ABTB3: variants seen among roughly 807,000 people sequenced by gnomAD.
ABTB3 encodes the protein ankyrin repeat and BTB domain containing 3.
the ABTB3 span, among the ~76,000 whole-genome samples, chr12:107,471,598 T>G: frequency 5.3e-5 from 8 of 152,214 alleles, no homozygotes; most frequent in African/African-American, 1.7e-4. Flanking sequence ...TTGAGGTTGG[T>G]GTGAGCTTTG....
the ABTB3 span, among the ~76,000 whole-genome samples, chr12:107,511,746 A>G: frequency 6.6e-6 from 1 of 152,172 alleles, no homozygotes; most frequent in African/African-American, 2.4e-5. Context: ...ATCATCTTGC[A>G]TGCATATAGA....
the ABTB3 span, among the ~76,000 whole-genome samples, chr12:107,643,261 G>A: frequency 4.7e-4 from 71 of 151,944 alleles, no homozygotes; most frequent in African/African-American, 1.6e-3. Flanking sequence ...AAAATTAGCC[G>A]GGCGTGGTCA....
the ABTB3 span, among the ~76,000 whole-genome samples, chr12:107,357,760 T>C: frequency 1.3e-5 from 2 of 152,236 alleles, no homozygotes; most frequent in African/African-American, 4.8e-5. Context: ...GTGGGCTGCA[T>C]AGCACCCAAC....
chr12:107,405,805 C>T, the ABTB3 span, among the ~76,000 whole-genome samples: 9 of 152,336 alleles, frequency 5.9e-5, no homozygotes, highest in African/African-American at 1.9e-4. Context: ...TAGGGCCCAT[C>T]GTCTGCATGA....
chr12:107,425,972 T>C, the ABTB3 span, among the ~76,000 whole-genome samples: 96 of 152,332 alleles, frequency 6.3e-4, 1 homozygote, highest in African/African-American at 2.3e-3. Context: ...TCTGCAGATC[T>C]GGATCTGTTC....
the ABTB3 span, chr12:107,620,075 G>A: frequency 6.2e-7 from 1 of 1,614,196 alleles, no homozygotes; most frequent in Non-Finnish European, 8.5e-7. Context: ...CTTGTTAAAG[G>A]AGTTTAAGAC....
At chr12:107,318,600 A>C in the ABTB3 span, 4 of 197,616 alleles carry the variant, frequency 2.0e-5, no homozygotes, top group Non-Finnish European at 3.1e-5. Context: ...CCCGGTGGCT[A>C]CTGCGCCCAG....
the ABTB3 span, among the ~76,000 whole-genome samples, chr12:107,398,439 G>A: frequency 2.0e-5 from 3 of 152,240 alleles, no homozygotes; most frequent in Non-Finnish European, 4.4e-5. Flanking sequence ...GGCAGGCCAG[G>A]TGTCTTCCAG....
the ABTB3 span, among the ~76,000 whole-genome samples, chr12:107,522,612 A>G: frequency 6.6e-6 from 1 of 151,950 alleles, no homozygotes; most frequent in Non-Finnish European, 1.5e-5. Flanking sequence ...TATAGTAGAA[A>G]CATTTTATTT....
chr12:107,591,954 G>A, the ABTB3 span, among the ~76,000 whole-genome samples: 6 of 152,190 alleles, frequency 3.9e-5, no homozygotes, highest in South Asian at 6.2e-4. Flanking sequence ...CAAAGCCTAC[G>A]TTCTCTCTAC....
the ABTB3 span, among the ~76,000 whole-genome samples, chr12:107,399,774 C>A: frequency 1.3e-5 from 2 of 152,212 alleles, no homozygotes; most frequent in African/African-American, 4.8e-5. Flanking sequence ...CACCTATCAA[C>A]CTGTCATCTA....
the ABTB3 span, among the ~76,000 whole-genome samples, chr12:107,450,519 G>A: frequency 3.3e-5 from 5 of 152,096 alleles, no homozygotes; most frequent in East Asian, 7.7e-4. Flanking sequence ...AGAGAAATTC[G>A]ATTGAGGGAA....
chr12:107,588,418 T>G, the ABTB3 span, among the ~76,000 whole-genome samples: 1 of 152,126 alleles, frequency 6.6e-6, no homozygotes. Flanking sequence ...GACTCTGAAG[T>G]TTCTAGCATG....
chr12:107,472,595 G>A, the ABTB3 span, among the ~76,000 whole-genome samples: 1 of 152,216 alleles, frequency 6.6e-6, no homozygotes, highest in Non-Finnish European at 1.5e-5. Context: ...GCTCTGATGA[G>A]TAAATGAAAT....
the ABTB3 span, chr12:107,319,190 G>T: frequency 2.5e-6 from 4 of 1,595,596 alleles, no homozygotes; most frequent in Non-Finnish European, 3.4e-6. Flanking sequence ...GGACTGCGCC[G>T]GCCAGCACTG....
At chr12:107,485,796 A>G in the ABTB3 span, among the ~76,000 whole-genome samples, 20 of 152,350 alleles carry the variant, frequency 1.3e-4, no homozygotes, top group Non-Finnish European at 2.4e-4. Flanking sequence ...GAAAGAAAAT[A>G]ATGTCTTAGG....
At chr12:107,450,168 CT>C in the ABTB3 span, among the ~76,000 whole-genome samples, 1 of 151,928 alleles carries the variant, frequency 6.6e-6, no homozygotes, top group Non-Finnish European at 1.5e-5. Flanking sequence ...TTGTCTTGTT[CT>C]TTCTTATGAC....
the ABTB3 span, among the ~76,000 whole-genome samples, chr12:107,403,618 G>A: frequency 6.6e-6 from 1 of 152,080 alleles, no homozygotes; most frequent in Non-Finnish European, 1.5e-5. Flanking sequence ...CCTTATCCTT[G>A]ACAAAAGCTT....
At chr12:107,351,093 A>T in the ABTB3 span, among the ~76,000 whole-genome samples, 3 of 152,354 alleles carry the variant, frequency 2.0e-5, no homozygotes, top group Non-Finnish European at 4.4e-5. Flanking sequence ...CTACAAGGTT[A>T]TTAAAGGCAT....
Sources: allele counts gnomAD v4.1 joint callset (sites outside exome capture counted in the v4.1 genomes callset), GRCh38; gene constraint gnomAD v4.1.1; transcripts MANE v1.5; gene names NCBI Gene and HGNC (gene_info 2026-07-23, HGNC 2026-07-21).